Variants in EPN2 observed in about 807,000 individuals in gnomAD.
EPN2 encodes epsin 2, also known as epsin-2.
A neutral mutation model predicts 61.7 loss-of-function variants in EPN2; 34 were observed. The observed-to-expected ratio is 0.55, with a 90% confidence interval of 0.42 to 0.73. The LOEUF (loss-of-function observed/expected upper bound fraction) is 0.73. Among genes scored for constraint, EPN2 ranks in the 30% least tolerant of loss-of-function variants. EPN2 has a pLI of 0.00. For synonymous variants in EPN2, 349 were observed against 353.6 expected (o/e 0.99, Z 0.15); for missense variants, 714 against 839.2 (o/e 0.85, Z 1.84).
At chr17:19,259,236 A>G (rs982207377) in intron 1 of EPN2, among the ~76,000 whole-genome samples, 2 of 150,844 alleles carry the variant, frequency 1.3e-5, no homozygotes, top group East Asian at 1.9e-4. Flanking sequence ...ATAGGGAAAC[A>G]TGGTTTTGCT....
intron 1 of EPN2, among the ~76,000 whole-genome samples, chr17:19,276,774 T>G (rs1358952022): frequency 8.2e-5 from 3 of 36,688 alleles, no homozygotes; most frequent in Non-Finnish European, 1.3e-4. Context: ...TGAGAATAAG[T>G]TTTTTTTTTT....
At chr17:19,303,744 A>C (rs1366532429) in intron 4 of EPN2, 1 of 152,184 alleles carries the variant, frequency 6.6e-6, no homozygotes, top group Non-Finnish European at 1.5e-5. Flanking sequence ...GTCATGCTTC[A>C]TTGCATTTTT....
chr17:19,251,300 C>A (rs2045012456), intron 1 of EPN2, among the ~76,000 whole-genome samples: 1 of 152,170 alleles, frequency 6.6e-6, no homozygotes, highest in Admixed American at 6.5e-5. Flanking sequence ...CAGCTTCTTA[C>A]TGCATCTGGA....
intron 4 of EPN2, among the ~76,000 whole-genome samples, chr17:19,296,368 C>A (rs976541853): frequency 5.3e-5 from 8 of 152,058 alleles, no homozygotes; most frequent in African/African-American, 1.4e-4. Context: ...CCAGGCTGGT[C>A]TTGAACTCCT....
intron 7 of EPN2, among the ~76,000 whole-genome samples, chr17:19,318,558 A>AAAAAAAAAAAAAAAAAAAAAAAAAAC: frequency 6.9e-6 from 1 of 144,478 alleles, no homozygotes; most frequent in Non-Finnish European, 1.5e-5. Context: ...TCAAAAAAAA[A>AAAAAAAAAAAAAAAAAAAAAAAAAAC]AAAAAAAAAG....
At chr17:19,257,261 A>C (rs927299077) in intron 1 of EPN2, among the ~76,000 whole-genome samples, 18 of 151,958 alleles carry the variant, frequency 1.2e-4, no homozygotes, top group African/African-American at 3.6e-4. Flanking sequence ...AGTAGTTTCC[A>C]AAGACTGTGT....
chr17:19,334,198 G>T lies in EPN2; in HGVS notation c.1870G>T (p.Gly624Cys). 1 of 1,550,272 alleles carries T rather than the reference G, an allele frequency of 6.5e-7. No homozygotes were observed. Among genetic ancestry groups the T allele is most frequent in the Non-Finnish European group, 8.8e-7 (1 of 1,140,892 alleles). ...PAMMNMVGSVGIPPSAAQATG... is the reference protein window; with the variant it reads ...PAMMNMVGSVCIPPSAAQATG... Reference sequence around the variant, plus strand: ...AATGATGAACATGGTGGGCAGTGTGGGTATACCCCCATCAGCAGCCCAGGC... The same window carrying T: ...AATGATGAACATGGTGGGCAGTGTGTGTATACCCCCATCAGCAGCCCAGGC... Residue 624 changes from glycine to cysteine, a missense_variant, in exon 11 of 11, where the codon GGT (glycine) becomes TGT (cysteine). This residue lies in a region of EPN2 where 410 missense variants were observed against 421.8 expected (regional missense o/e 0.97). Coordinates refer to ENST00000314728, the MANE Select transcript of EPN2 (RefSeq NM_014964.5). This position sits in a 1 kb window ranked among gnomAD's most constrained non-coding sequence, Gnocchi z 4.9.
intron 4 of EPN2, among the ~76,000 whole-genome samples, chr17:19,302,821 ATG>A (rs1905597043): frequency 6.6e-6 from 1 of 152,254 alleles, no homozygotes; most frequent in Admixed American, 6.5e-5. Context: ...GGCCAAGGTC[ATG>A]CATTAAGAAG....
Position 19,285,791 on chromosome 17 carries a change from G to T in EPN2, c.766+1G>T. ...CTCACTTGTGACCGCGCAGCCCGAG[G>T]TGGGACGGCGGTTTGCTTTTTTCCT... On this transcript the variant is annotated splice_donor_variant, in intron 4 of 10. Transcript: ENST00000314728. LOFTEE classifies it high-confidence loss of function. This position sits in a 1 kb window ranked among gnomAD's most constrained non-coding sequence, Gnocchi z 4.5. 1 of 1,582,352 alleles carries T rather than the reference G, an allele frequency of 6.3e-7. No individual in the cohort carries two copies. The highest frequency in any genetic ancestry group is 8.6e-7 in the Non-Finnish European group (1 of 1,162,264).
chr17:19,328,653 C>A (rs1907009416), intron 7 of EPN2, 58 bp from the exon 8 acceptor site: 5 of 1,479,956 alleles, frequency 3.4e-6, no homozygotes, highest in Non-Finnish European at 4.6e-6. Flanking sequence ...TCCCTTCTCA[C>A]CCCAGCTGCC....
chr17:19,299,383 G>A (rs1051705313), intron 4 of EPN2, among the ~76,000 whole-genome samples: 7 of 152,232 alleles, frequency 4.6e-5, no homozygotes, highest in South Asian at 4.1e-4. Flanking sequence ...CCTGGCTTAC[G>A]CCTGGAGAGC....
chr17:19,298,528 G>A (rs529407015), intron 4 of EPN2, among the ~76,000 whole-genome samples: 12 of 152,256 alleles, frequency 7.9e-5, no homozygotes, highest in African/African-American at 2.9e-4. Context: ...TAGAGCTGGG[G>A]TCTCGCTATA....
At chr17:19,312,679 C>A (rs991612715) in intron 6 of EPN2, among the ~76,000 whole-genome samples, 1 of 152,176 alleles carries the variant, frequency 6.6e-6, no homozygotes, top group African/African-American at 2.4e-5. Context: ...TGGCTCCTGA[C>A]TGGTTGATGT....
At chr17:19,238,250 T>A (rs1454363772) in intron 1 of EPN2, among the ~76,000 whole-genome samples, 1 of 152,176 alleles carries the variant, frequency 6.6e-6, no homozygotes, top group Admixed American at 6.5e-5. Context: ...GGTGGGTGAA[T>A]GGGTGCGTGG....
At position 19,313,171 on chromosome 17, in the gene EPN2, G is replaced by T; in HGVS notation, c.1039G>T (p.Ala347Ser). The T allele has an allele frequency of 1.2e-6, 2 of 1,613,542 alleles. No individual in the cohort carries two copies. The highest frequency in any genetic ancestry group is 1.7e-6 in the Non-Finnish European group (2 of 1,179,748). ...GGATGCTCTCCCCAGCTCGGGCCCCGCGGCCCAGAAAGCAGAGCCCTGGGG... is the reference window on the plus strand; with the variant it reads ...GGATGCTCTCCCCAGCTCGGGCCCCTCGGCCCAGAAAGCAGAGCCCTGGGG... ...LMDALPSSGP[A>S]AQKAEPWGPS... The change falls in exon 7 of 11, where the codon GCG becomes TCG. Residue 347 changes from alanine (A) to serine (S), a missense_variant. Around this residue, in one of 2 missense-constraint regions of EPN2, gnomAD observed 410 missense variants for 421.8 expected, o/e 0.97. Transcript: ENST00000314728.
intron 4 of EPN2, among the ~76,000 whole-genome samples, chr17:19,292,440 G>C (rs914719215): frequency 1.3e-5 from 2 of 152,236 alleles, no homozygotes; most frequent in Admixed American, 1.3e-4. Flanking sequence ...AATGTGTTCT[G>C]TAAGTCAGGG....
At chr17:19,329,782 G>T in intron 9 of EPN2, 135 bp downstream of exon 9, 1 of 623,666 alleles carries the variant, frequency 1.6e-6, no homozygotes, top group Non-Finnish European at 2.8e-6. Flanking sequence ...GGAGCCTGAA[G>T]TTTCTAATTC....
At chr17:19,288,854 G>A (rs1373588281) in intron 4 of EPN2, among the ~76,000 whole-genome samples, 13 of 152,160 alleles carry the variant, frequency 8.5e-5, no homozygotes, top group Admixed American at 7.9e-4. Flanking sequence ...TCAGTGGCCC[G>A]GTGCTGGGCC....
Position 19,336,082 on chromosome 17 carries a change from G to A in EPN2, c.*1828G>A, listed in dbSNP as rs1907419859. The A allele has an allele frequency of 6.6e-6, 1 of 152,306 alleles. No individual in the cohort carries two copies. The highest frequency in any genetic ancestry group is 2.4e-5 in the African/African-American group (1 of 41,466). 9.4% of individuals were successfully genotyped at this position (152,306 alleles called of 1,614,324 possible). On this transcript the variant is annotated 3_prime_UTR_variant, in exon 11 of 11. Transcript: ENST00000314728. Reference sequence around the variant, plus strand: ...TGGGCTGCTGGGACATGCAGGCTCTGAGTGGGGACTGCACCCACTCATGCT... The same window carrying A: ...TGGGCTGCTGGGACATGCAGGCTCTAAGTGGGGACTGCACCCACTCATGCT...
Sources: allele counts gnomAD v4.1 joint callset (sites outside exome capture counted in the v4.1 genomes callset), GRCh38; gene constraint gnomAD v4.1.1; regional missense constraint gnomAD v4.1.1; non-coding constraint Gnocchi (gnomAD v3.1); transcripts MANE v1.5; gene names NCBI Gene and HGNC (gene_info 2026-07-23, HGNC 2026-07-21).